The following DNMT3A variants were observed in gnomAD, a reference collection of about 807,000 sequenced individuals.
DNMT3A encodes the protein DNA methyltransferase 3 alpha.
Under a neutral mutation model 117.6 loss-of-function variants are expected in DNMT3A, and 267 were observed. The observed-to-expected ratio is 2.27, with a 90% CI of 2.05 to 2.51. The LOEUF is 2.51. Ranked by LOEUF, DNMT3A falls within the 30% of genes most tolerant of loss-of-function variation. The pLI, the probability that DNMT3A is intolerant of heterozygous loss-of-function variation, is 0.00. For synonymous variants in DNMT3A, 432 were observed against 474.8 expected, an observed-to-expected ratio of 0.91 and a Z score of 1.17; for missense variants, 1,029 against 1,260.2, an observed-to-expected ratio of 0.82 and a Z score of 2.78.
chr2:25,237,937 G>T lies in DNMT3A; in HGVS notation c.2409-932C>A, dbSNP rs1441194079. ...TTTAAGGAAGGCTTCCCTGAGCACT[G>T]GCTCCAGGATCTCAGTGTGGGAACC... On this transcript the variant is annotated intron_variant, in intron 20 of 22. Transcript: ENST00000321117. The surrounding 1 kb of genome is among the most constrained non-coding windows in gnomAD (Gnocchi z 5.4). Among the ~76,000 whole-genome samples the T allele has an allele frequency of 6.6e-6, 1 of 152,230 alleles. No individual in the cohort carries two copies. Among genetic ancestry groups the T allele is most frequent in the East Asian group, 1.9e-4 (1 of 5,204 alleles).
In DNMT3A at chr2:25,235,799, C is replaced by T. The variant is rs138445723; in HGVS notation, c.2505G>A (p.Thr835=). ...TGCCCTGCTTTATGGAGTTTGACCT[C>T]GTAGTAATGGTCCTCACTTTGCTGA... The part of the protein sequence containing the change: ...AKFSKVRTIT[T]RSNSIKQGKD... The change falls in exon 22 of 23, where the codon ACG becomes ACA. Residue 835 remains threonine, a synonymous_variant. Coordinates refer to ENST00000321117, the MANE Select transcript of DNMT3A (RefSeq NM_022552.5). 5.0e-6 allele frequency: 8 copies of T among 1,613,954 alleles called. No individual in the cohort carries two copies. Among genetic ancestry groups the T allele is most frequent in the South Asian group, 4.4e-5 (4 of 91,078 alleles).
rs1672742954 is a variant in DNMT3A at position 25,228,108 on chromosome 2, A to AC, written c.*6170dup. The AC allele has an allele frequency of 1.3e-5, 2 of 148,794 alleles. No homozygotes were observed. The highest frequency in any genetic ancestry group is 4.9e-5 in the African/African-American group (2 of 40,456). 9.2% of individuals were successfully genotyped at this position (148,794 alleles called of 1,614,324 possible). A position where few individuals can be genotyped will look rare whatever the true frequency, so the allele number is the denominator to read the frequency against. On this transcript the variant is annotated 3_prime_UTR_variant, in exon 23 of 23. Transcript: ENST00000321117. ...AGGACACCAGGCGGGTGGGGCAGGGACCCCTCGGGCCCCCACTCGCCCTTC... is the reference window on the plus strand; with the variant it reads ...AGGACACCAGGCGGGTGGGGCAGGGACCCCCTCGGGCCCCCACTCGCCCTTC...
intron 22 of DNMT3A, among the ~76,000 whole-genome samples, chr2:25,235,331 C>T (rs1483719591): frequency 6.6e-6 from 1 of 152,118 alleles, no homozygotes; most frequent in Non-Finnish European, 1.5e-5. Context: ...ACTACAGGCA[C>T]CCGCCACCAC....
chr2:25,266,449 G>C (rs1473022457), intron 6 of DNMT3A, among the ~76,000 whole-genome samples: 5 of 127,166 alleles, frequency 3.9e-5, no homozygotes, highest in Non-Finnish European at 8.9e-5. Flanking sequence ...TAAAGCCCAG[G>C]AGATCACACC....
intron 3 of DNMT3A, among the ~76,000 whole-genome samples, chr2:25,299,439 C>T (rs943634951): frequency 6.6e-6 from 1 of 152,192 alleles, no homozygotes; most frequent in African/African-American, 2.4e-5. Flanking sequence ...GGGGCTGAGA[C>T]CCTGGGTGAG....
At chr2:25,277,997 G>A (rs561252164) in intron 4 of DNMT3A, among the ~76,000 whole-genome samples, 1 of 100,148 alleles carries the variant, frequency 1.0e-5, no homozygotes, top group South Asian at 3.7e-4. Flanking sequence ...GCCCACTTGA[G>A]TGATCACACA....
intron 4 of DNMT3A, among the ~76,000 whole-genome samples, chr2:25,277,322 G>A (rs1348066249): frequency 1.3e-5 from 2 of 152,104 alleles, no homozygotes; most frequent in Non-Finnish European, 2.9e-5. Context: ...CCTGTCCGGG[G>A]CCTCCCCGTT....
intron 4 of DNMT3A, among the ~76,000 whole-genome samples, chr2:25,278,042 C>CACACACACACAAACAG (rs150400657): frequency 0.025 from 3,652 of 146,338 alleles, 95 homozygotes; most frequent in East Asian, 0.057. Context: ...CACACACAGA[C>CACACACACACAAACAG]ACACACGCTT....
Position 25,240,664 on chromosome 2 carries a change from T to C in DNMT3A, c.2149A>G (p.Asn717Asp). The C allele has an allele frequency of 6.2e-7, 1 of 1,614,196 alleles. No homozygotes were observed. ...CCGTAGAGGCCCTTGCGAGCAGGGT[T>C]GACGATGGAGAGGTCATTGCAGGGA... ...GSPCNDLSIV[N>D]PARKGLYEGT... The change falls in exon 18 of 23, where the codon AAC (asparagine) becomes GAC (aspartate). Residue 717 changes from asparagine (N) to aspartate (D), a missense_variant. Transcript: ENST00000321117.
At chr2:25,280,882 C>T (rs1054285146) in intron 4 of DNMT3A, among the ~76,000 whole-genome samples, 1 of 152,140 alleles carries the variant, frequency 6.6e-6, no homozygotes, top group Non-Finnish European at 1.5e-5. Flanking sequence ...AGCTTTGGGG[C>T]TATGGCTCCA....
At position 25,300,034 on chromosome 2, in the gene DNMT3A, T is replaced by A. The variant is rs983681073; in HGVS notation, c.177+105A>T. 2.4e-6 allele frequency: 3 copies of A among 1,234,962 alleles called. No homozygotes were observed. In the African/African-American group the frequency reaches 4.5e-5, roughly 19 times the overall value. The allele number at this position is 1,234,962 out of a possible 1,614,324, so 76.5% of individuals were successfully genotyped here. A position where few individuals can be genotyped will look rare whatever the true frequency, so the allele number is the denominator to read the frequency against. Reference sequence around the variant, plus strand: ...AGGGGTATACCCCATCACCTGGTCTTAAATGTCTCCAGGTCCCTGCAGGAC... The same window carrying A: ...AGGGGTATACCCCATCACCTGGTCTAAAATGTCTCCAGGTCCCTGCAGGAC... On this transcript the variant is annotated intron_variant, in intron 3 of 22. Coordinates refer to ENST00000321117, the MANE Select transcript of DNMT3A (RefSeq NM_022552.5).
intron 6 of DNMT3A, chr2:25,251,840 G>T: frequency 8.3e-6 from 3 of 363,116 alleles, no homozygotes; most frequent in Non-Finnish European, 1.5e-5. Flanking sequence ...GCACCCATCT[G>T]CCAGCTCAGC....
chr2:25,301,104 C>A (rs2033487963), intron 2 of DNMT3A, among the ~76,000 whole-genome samples: 1 of 151,468 alleles, frequency 6.6e-6, no homozygotes, highest in Non-Finnish European at 1.5e-5. Flanking sequence ...CCCATCTCTA[C>A]TAAAAATACA....
At chr2:25,268,322 G>T (rs1440056056) in intron 6 of DNMT3A, among the ~76,000 whole-genome samples, 1 of 152,202 alleles carries the variant, frequency 6.6e-6, no homozygotes, top group Non-Finnish European at 1.5e-5. Flanking sequence ...TCCGGCTGGG[G>T]TGAAGAGATT....
intron 6 of DNMT3A, among the ~76,000 whole-genome samples, chr2:25,253,287 TTGGCTCTGC>T (rs1228548762): frequency 6.6e-6 from 1 of 152,196 alleles, no homozygotes; most frequent in Non-Finnish European, 1.5e-5. Context: ...ATAGACCCTG[TTGGCTCTGC>T]CCTCGAGGGG....
In DNMT3A at chr2:25,340,505, G is replaced by T. The variant is rs1171655018; in HGVS notation, c.-178+1321C>A. ...CGGGCCCTGGACCCGCGCCAGCCCGGTCCGCGCCGAAGGGGAGGGAAGGCA... is the reference window on the plus strand; with the variant it reads ...CGGGCCCTGGACCCGCGCCAGCCCGTTCCGCGCCGAAGGGGAGGGAAGGCA... On this transcript the variant is annotated intron_variant, in intron 1 of 22. Transcript: ENST00000321117. Among the ~76,000 whole-genome samples, 10 of 152,088 alleles carry T rather than the reference G, an allele frequency of 6.6e-5. No individual in the cohort carries two copies. The East Asian group carries it at 2.0e-3, about 30-fold the overall frequency.
chr2:25,232,662 G>A lies in DNMT3A; in HGVS notation c.*1617C>T. On this transcript the variant is annotated 3_prime_UTR_variant, in exon 23 of 23. Transcript: ENST00000321117. This position sits in a 1 kb window ranked among gnomAD's most constrained non-coding sequence, Gnocchi z 4.1. The stretch of plus-strand genomic sequence containing the variant: ...CAGTGGCCCACCTGGCCCGAGGGGT[G>A]GGAGCCAGGGCACCAGAGCCACCGC... 1 of 161,154 alleles carries A rather than the reference G, an allele frequency of 6.2e-6. No homozygotes were observed. The highest frequency in any genetic ancestry group is 1.4e-5 in the Non-Finnish European group (1 of 73,076). The allele number at this position is 161,154 out of a possible 1,614,324, so 10.0% of individuals were successfully genotyped here. A position where few individuals can be genotyped will look rare whatever the true frequency, so the allele number is the denominator to read the frequency against.
At chr2:25,308,964 T>C (rs1341440360) in intron 2 of DNMT3A, among the ~76,000 whole-genome samples, 1 of 105,942 alleles carries the variant, frequency 9.4e-6, no homozygotes, top group Admixed American at 9.1e-5. Context: ...TGCCCACAGA[T>C]GCATACACAC....
chr2:25,241,204 A>G (rs1186012351), intron 17 of DNMT3A, among the ~76,000 whole-genome samples: 1 of 152,216 alleles, frequency 6.6e-6, no homozygotes, highest in Non-Finnish European at 1.5e-5. Context: ...TCTCTAATCC[A>G]AAGAGCTCTA....
Sources: gnomAD v4.1 joint callset for allele counts (sites outside exome capture counted in the v4.1 genomes callset) on GRCh38, gnomAD v4.1.1 for gene constraint, Gnocchi (gnomAD v3.1) non-coding constraint, MANE v1.5 for transcripts, NCBI Gene and HGNC (gene_info 2026-07-23, HGNC 2026-07-21) for gene names.